The following SAP130 variants were observed in gnomAD, a reference collection of about 807,000 sequenced individuals.
SAP130 encodes the protein histone deacetylase complex subunit SAP130.
Under a neutral mutation model 103.2 loss-of-function variants are expected in SAP130, and 16 were observed. The ratio of observed to expected loss-of-function variants is 0.16; its 90% CI spans 0.10 to 0.24. SAP130 has a LOEUF of 0.24. Ranked by LOEUF, SAP130 falls within the 10% of genes least tolerant of loss-of-function variation. The pLI is 1.00. For synonymous variants in SAP130, 477 were observed against 497.0 expected (o/e 0.96, Z 0.53); for missense variants, 990 against 1,359.7 (o/e 0.73, Z 4.28).
intron 2 of SAP130, among the ~76,000 whole-genome samples, chr2:128,025,001 C>T (rs1256348577): frequency 6.0e-5 from 5 of 82,868 alleles, no homozygotes; most frequent in African/African-American, 3.4e-4. Context: ...GACCCTATTG[C>T]GCAAAAAAAA....
intron 9 of SAP130, 21 bp from the exon 10 acceptor site, chr2:127,999,866 A>G: frequency 6.7e-7 from 1 of 1,503,582 alleles, no homozygotes; most frequent in Non-Finnish European, 8.9e-7. Flanking sequence ...GGAAAAAAGG[A>G]AATTCTTTAA....
In SAP130 at chr2:127,996,200, A is replaced by T; in HGVS notation, c.1355+150T>A. 1 of 722,452 alleles carries T rather than the reference A, an allele frequency of 1.4e-6. No homozygotes were observed. Among genetic ancestry groups the T allele is most frequent in the Non-Finnish European group, 2.0e-6 (1 of 499,066 alleles). The allele number at this position is 722,452 out of a possible 1,614,324, so 44.8% of individuals were successfully genotyped here. On this transcript the variant is annotated intron_variant, in intron 11 of 20. Coordinates refer to ENST00000643581, the MANE Select transcript of SAP130 (RefSeq NM_001330301.2). This position sits in a 1 kb window ranked among gnomAD's most constrained non-coding sequence, Gnocchi z 4.3. ...CTTGAAAAAAATCGCACATAAAAAA[A>T]GGAATTATACGAAGTGTTACTTTCA...
In SAP130 at chr2:127,983,560, C is replaced by A. The variant is rs1682116261; in HGVS notation, c.1958+3225G>T. Reference sequence around the variant, plus strand: ...GGCAAGTTGAGTCCCAGGTTTAAAGCAAGAAGGCGTGGAGAAAGAAGAGAC... The same window carrying A: ...GGCAAGTTGAGTCCCAGGTTTAAAGAAAGAAGGCGTGGAGAAAGAAGAGAC... On this transcript the variant is annotated intron_variant, in intron 14 of 20. Coordinates refer to ENST00000643581, the MANE Select transcript of SAP130 (RefSeq NM_001330301.2). Among the ~76,000 whole-genome samples the A allele has an allele frequency of 2.0e-5, 3 of 152,140 alleles. No homozygotes were observed. In the South Asian group the frequency reaches 6.2e-4, roughly 32 times the overall value.
At chr2:127,965,103 T>G (rs751257496) in intron 15 of SAP130, among the ~76,000 whole-genome samples, 1 of 151,734 alleles carries the variant, frequency 6.6e-6, no homozygotes, top group Non-Finnish European at 1.5e-5. Context: ...AAGACCATCC[T>G]GGCCAACATG....
At chr2:128,024,923 G>A (rs1259659590) in intron 2 of SAP130, among the ~76,000 whole-genome samples, 1 of 146,284 alleles carries the variant, frequency 6.8e-6, no homozygotes, top group East Asian at 2.0e-4. Flanking sequence ...TAGCTGGGGA[G>A]CCCAAAAGAT....
chr2:128,014,604 T>C (rs922110795), intron 5 of SAP130, among the ~76,000 whole-genome samples, 199 bp downstream of exon 5: 2 of 152,184 alleles, frequency 1.3e-5, no homozygotes, highest in African/African-American at 4.8e-5. Context: ...CCCAAAGTGT[T>C]GGGTTTATAG....
chr2:127,967,011 C>T (rs1370837234), intron 15 of SAP130, among the ~76,000 whole-genome samples: 1 of 151,908 alleles, frequency 6.6e-6, no homozygotes, highest in South Asian at 2.1e-4. Flanking sequence ...AAGAAAGCTA[C>T]GGGCCTATAT....
chr2:127,958,307 A>C (rs1486739672), intron 15 of SAP130, among the ~76,000 whole-genome samples: 1 of 152,162 alleles, frequency 6.6e-6, no homozygotes, highest in Non-Finnish European at 1.5e-5. Flanking sequence ...CCAGCTACTC[A>C]GGAGGCTGAG....
At chr2:127,997,227 CA>C (rs1683237974) in intron 10 of SAP130, among the ~76,000 whole-genome samples, 1 of 152,116 alleles carries the variant, frequency 6.6e-6, no homozygotes. Context: ...ACTTGCAATC[CA>C]ATTTTGTTTG....
At chr2:127,972,807 AC>A (rs1344154832) in intron 15 of SAP130, among the ~76,000 whole-genome samples, 2 of 152,002 alleles carry the variant, frequency 1.3e-5, no homozygotes, top group Non-Finnish European at 2.9e-5. Context: ...AATGATGACT[AC>A]CTGCAGTCCC....
intron 14 of SAP130, among the ~76,000 whole-genome samples, chr2:127,978,318 C>G (rs187157825): frequency 6.6e-6 from 1 of 152,134 alleles, no homozygotes; most frequent in Non-Finnish European, 1.5e-5. Context: ...CTTCCCCATT[C>G]CTGCTCACTT....
At chr2:127,982,182 AT>A (rs1255007834) in intron 14 of SAP130, among the ~76,000 whole-genome samples, 2 of 150,490 alleles carry the variant, frequency 1.3e-5, no homozygotes, top group African/African-American at 5.0e-5. Flanking sequence ...AAAAAAAAAA[AT>A]TTAGGGTGGT....
chr2:127,958,196 C>CTT (rs1679976848), intron 15 of SAP130, among the ~76,000 whole-genome samples: 1 of 152,190 alleles, frequency 6.6e-6, no homozygotes, highest in Non-Finnish European at 1.5e-5. Context: ...AGGAGGATCA[C>CTT]GAGGTCAGGA....
rs574469223 is a variant in SAP130, at chr2:127,961,617, T to C, written c.2064-6273A>G. Among the ~76,000 whole-genome samples the C allele has an allele frequency of 2.0e-5, 3 of 151,100 alleles. No individual in the cohort carries two copies. The South Asian group carries it at 6.3e-4, about 32-fold the overall frequency. Reference sequence around the variant, plus strand: ...TTGTGGAGTAGAGTATAAAGACCAATACAGGTAACAACATTCAACAGACTA... The same window carrying C: ...TTGTGGAGTAGAGTATAAAGACCAACACAGGTAACAACATTCAACAGACTA... On this transcript the variant is annotated intron_variant, in intron 15 of 20. Coordinates refer to ENST00000643581, the MANE Select transcript of SAP130 (RefSeq NM_001330301.2).
intron 18 of SAP130, among the ~76,000 whole-genome samples, chr2:127,946,805 A>C (rs1679110408): frequency 6.6e-6 from 1 of 150,822 alleles, no homozygotes; most frequent in African/African-American, 2.4e-5. Context: ...AATTGCTTGA[A>C]CCCAGGAGGC....
rs896837630 is a variant in SAP130 at position 127,986,673 on chromosome 2, C to T, written c.1958+112G>A. The stretch of plus-strand genomic sequence containing the variant: ...TTGTTTTGGAGGAAATTTTAACACA[C>T]CACAGAAAATGAGAGATGAGTTTGA... On this transcript the variant is annotated intron_variant, in intron 14 of 20. Coordinates refer to ENST00000643581, the MANE Select transcript of SAP130 (RefSeq NM_001330301.2). This position sits in a 1 kb window ranked among gnomAD's most constrained non-coding sequence, Gnocchi z 4.7. 39 of 1,218,314 alleles carry T rather than the reference C, an allele frequency of 3.2e-5. No individual in the cohort carries two copies. The highest frequency in any genetic ancestry group is 5.8e-4 in the Middle Eastern group (2 of 3,440). 75.5% of individuals were successfully genotyped at this position (1,218,314 alleles called of 1,614,324 possible).
In SAP130 at chr2:128,028,047, G is replaced by T. The variant is rs899159325; in HGVS notation, c.-114C>A. 12 of 904,820 alleles carry T rather than the reference G, an allele frequency of 1.3e-5. No homozygotes were observed. The highest frequency in any genetic ancestry group is 1.6e-5 in the Non-Finnish European group (12 of 756,202). The allele number at this position is 904,820 out of a possible 1,614,324, so 56.0% of individuals were successfully genotyped here. A position where few individuals can be genotyped will look rare whatever the true frequency, so the allele number is the denominator to read the frequency against. ...CTCCGGACCCGCAGCCACCGCCGGGGAGCTAGCACTCTGCCCCCCACCCCT... is the reference window on the plus strand; with the variant it reads ...CTCCGGACCCGCAGCCACCGCCGGGTAGCTAGCACTCTGCCCCCCACCCCT... On this transcript the variant is annotated 5_prime_UTR_variant, in exon 1 of 21. Transcript: ENST00000643581.
chr2:127,943,520 T>C (rs1678850473), intron 19 of SAP130, among the ~76,000 whole-genome samples: 1 of 152,250 alleles, frequency 6.6e-6, no homozygotes, highest in Admixed American at 6.5e-5. Context: ...ATTTAGACTA[T>C]ATGATAGAGC....
chr2:127,967,560 A>G (rs1374210106), intron 15 of SAP130, among the ~76,000 whole-genome samples: 2 of 152,138 alleles, frequency 1.3e-5, no homozygotes, highest in Non-Finnish European at 2.9e-5. Flanking sequence ...CACCATGCGC[A>G]GCTAATTTTT....
Sources: allele counts gnomAD v4.1 joint callset (sites outside exome capture counted in the v4.1 genomes callset), GRCh38; gene constraint gnomAD v4.1.1; non-coding constraint Gnocchi (gnomAD v3.1); transcripts MANE v1.5; gene names NCBI Gene and HGNC (gene_info 2026-07-23, HGNC 2026-07-21).